The following SLC25A21 variants were observed in gnomAD, a reference collection of about 807,000 sequenced individuals.
SLC25A21 encodes the protein mitochondrial 2-oxodicarboxylate carrier.
A neutral mutation model predicts 43.8 loss-of-function variants in SLC25A21; 47 were observed. The observed-to-expected ratio is 1.07, with a 90% CI of 0.85 to 1.37. The LOEUF (loss-of-function observed/expected upper bound fraction) is 1.37. Ranked by LOEUF, SLC25A21 falls within the 40% of genes most tolerant of loss-of-function variation. SLC25A21 has a pLI of 0.00. For synonymous variants in SLC25A21, 131 were observed against 121.3 expected (o/e 1.08, Z -0.52); for missense variants, 352 against 350.2 (o/e 1.00, Z -0.04).
Position 36,679,483 on chromosome 14 carries a change from T to C in SLC25A21, c.*1175A>G. The C allele has an allele frequency of 2.0e-6, 2 of 985,434 alleles. No homozygotes were observed. Among genetic ancestry groups the C allele is most frequent in the Non-Finnish European group, 2.4e-6 (2 of 829,912 alleles). The allele number at this position is 985,434 out of a possible 1,614,324, so 61.0% of individuals were successfully genotyped here. ...TGGACTTTCAGTTATTCTTGTTGAC[T>C]TTACTGAATCAGCATCATCTCTGGA... On this transcript the variant is annotated 3_prime_UTR_variant, in exon 10 of 10. Coordinates refer to ENST00000331299, the MANE Select transcript of SLC25A21 (RefSeq NM_030631.4).
intron 2 of SLC25A21, among the ~76,000 whole-genome samples, chr14:36,823,030 A>G (rs999594275): frequency 6.6e-6 from 1 of 152,208 alleles, no homozygotes; most frequent in African/African-American, 2.4e-5. Context: ...TTTAGAATCT[A>G]TGTAAAATTT....
chr14:37,090,860 T>C (rs1962571375), intron 1 of SLC25A21, among the ~76,000 whole-genome samples: 1 of 152,208 alleles, frequency 6.6e-6, no homozygotes, highest in Non-Finnish European at 1.5e-5. Flanking sequence ...ACTAGTTATG[T>C]CCAATAAAGT....
rs945095606 is a variant in SLC25A21 at position 36,743,501 on chromosome 14, C to A, written c.204-8928G>T. On this transcript the variant is annotated intron_variant, in intron 3 of 9. Transcript: ENST00000331299. Reference sequence around the variant, plus strand: ...CAGGAAAGACAACCCAATCATGGAGCAAAAAAAGTCCTTCACCAGAATATA... The same window carrying A: ...CAGGAAAGACAACCCAATCATGGAGAAAAAAAAGTCCTTCACCAGAATATA... Among the ~76,000 whole-genome samples, 4 of 151,742 alleles carry A rather than the reference C, an allele frequency of 2.6e-5. No individual in the cohort carries two copies. In the East Asian group the frequency reaches 5.8e-4, roughly 22 times the overall value.
intron 3 of SLC25A21, among the ~76,000 whole-genome samples, chr14:36,742,506 G>A (rs1885313844): frequency 6.6e-6 from 1 of 152,116 alleles, no homozygotes; most frequent in South Asian, 2.1e-4. Context: ...GGGGTTTCAT[G>A]GCTCTGTGAT....
intron 1 of SLC25A21, among the ~76,000 whole-genome samples, chr14:37,003,521 T>G (rs903856086): frequency 6.6e-5 from 10 of 152,276 alleles, no homozygotes; most frequent in African/African-American, 2.4e-4. Context: ...AAACTGAAAC[T>G]ACCCAAATGC....
At chr14:37,032,807 A>G (rs1360332036) in intron 1 of SLC25A21, among the ~76,000 whole-genome samples, 3 of 152,184 alleles carry the variant, frequency 2.0e-5, no homozygotes, top group Non-Finnish European at 4.4e-5. Flanking sequence ...AGGAAAATTT[A>G]GCATTTTTCC....
At chr14:36,741,028 T>G (rs1355264436) in intron 3 of SLC25A21, among the ~76,000 whole-genome samples, 1 of 152,160 alleles carries the variant, frequency 6.6e-6, no homozygotes, top group Non-Finnish European at 1.5e-5. Flanking sequence ...AGGGGAAGGC[T>G]TAACATTCTG....
intron 3 of SLC25A21, 116 bp from the exon 4 acceptor site, chr14:36,734,689 G>C: frequency 1.4e-6 from 1 of 710,904 alleles, no homozygotes; most frequent in South Asian, 1.9e-5. Context: ...CACCAATCAT[G>C]AAGTCTTCCT....
At chr14:36,996,298 TG>T in intron 1 of SLC25A21, among the ~76,000 whole-genome samples, 1 of 152,302 alleles carries the variant, frequency 6.6e-6, no homozygotes, top group African/African-American at 2.4e-5. Flanking sequence ...ATCTAAGTCA[TG>T]TCTGCCAGCC....
In SLC25A21 at chr14:36,680,612, T is replaced by C. The variant is rs768273124; in HGVS notation, c.*46A>G. 7 of 1,607,008 alleles carry C rather than the reference T, an allele frequency of 4.4e-6. No individual in the cohort carries two copies. Among genetic ancestry groups the C allele is most frequent in the East Asian group, 2.2e-5 (1 of 44,658 alleles). On this transcript the variant is annotated 3_prime_UTR_variant, in exon 10 of 10. Coordinates refer to ENST00000331299, the MANE Select transcript of SLC25A21 (RefSeq NM_030631.4). ...AGTCTCTCTTCTTCATGGTGCTGCA[T>C]AGCAAATATCCATTATCTCAAGGGG... is the stretch of plus-strand genomic sequence containing the variant.
intron 3 of SLC25A21, among the ~76,000 whole-genome samples, chr14:36,770,455 C>T (rs1886577330): frequency 6.6e-6 from 1 of 152,180 alleles, no homozygotes; most frequent in African/African-American, 2.4e-5. Flanking sequence ...ATGTGTACTA[C>T]AAACCTCAGT....
chr14:36,937,344 G>A (rs1451835782), intron 1 of SLC25A21, among the ~76,000 whole-genome samples: 2 of 152,180 alleles, frequency 1.3e-5, no homozygotes, highest in African/African-American at 4.8e-5. Context: ...ACTGAATTAG[G>A]AATGCCTTCA....
At chr14:36,949,976 A>G (rs1270735043) in intron 1 of SLC25A21, among the ~76,000 whole-genome samples, 1 of 152,204 alleles carries the variant, frequency 6.6e-6, no homozygotes, top group African/African-American at 2.4e-5. Flanking sequence ...TCCAAAGTAC[A>G]TATCAGAGAC....
At position 37,040,336 on chromosome 14, in the gene SLC25A21, G is replaced by A. The variant is rs1423374497; in HGVS notation, c.70+131945C>T. On this transcript the variant is annotated intron_variant, in intron 1 of 9. Transcript: ENST00000331299. Reference sequence around the variant, plus strand: ...AGGAAGAAAGGAAGAGGGGAAGGAAGGAAGGAAGGAAGGAAGGAAAGAAAG... The same window carrying A: ...AGGAAGAAAGGAAGAGGGGAAGGAAAGAAGGAAGGAAGGAAGGAAAGAAAG... Among the ~76,000 whole-genome samples, 44 of 36,360 alleles carry A rather than the reference G, an allele frequency of 1.2e-3. 11 individuals are homozygous for A. Among genetic ancestry groups the A allele is most frequent in the African/African-American group, 7.0e-3 (14 of 1,994 alleles). 23.9% of individuals were successfully genotyped at this position (36,360 alleles called of 152,430 possible). A position where few individuals can be genotyped will look rare whatever the true frequency, so the allele number is the denominator to read the frequency against.
intron 1 of SLC25A21, among the ~76,000 whole-genome samples, chr14:36,982,683 C>T (rs958705188): frequency 2.6e-5 from 4 of 152,016 alleles, no homozygotes; most frequent in Non-Finnish European, 1.5e-5. Context: ...GGCATGGTGG[C>T]ACACACCTGT....
intron 1 of SLC25A21, among the ~76,000 whole-genome samples, chr14:36,992,843 TC>T (rs1194456569): frequency 2.0e-5 from 3 of 152,200 alleles, no homozygotes; most frequent in Non-Finnish European, 4.4e-5. Flanking sequence ...TCTTTTTGTT[TC>T]CTTTGCCCAG....
At chr14:36,704,745 G>A (rs770675812) in intron 7 of SLC25A21, among the ~76,000 whole-genome samples, 4 of 151,874 alleles carry the variant, frequency 2.6e-5, no homozygotes, top group Admixed American at 2.6e-4. Flanking sequence ...TGATACAGTC[G>A]AAAGAGTTCC....
At chr14:37,127,671 G>A (rs1191218158) in intron 1 of SLC25A21, among the ~76,000 whole-genome samples, 3 of 152,160 alleles carry the variant, frequency 2.0e-5, no homozygotes, top group Non-Finnish European at 4.4e-5. Context: ...CAGGTTTCAA[G>A]AGCACAAAGA....
intron 1 of SLC25A21, among the ~76,000 whole-genome samples, chr14:36,880,302 A>G (rs1890676898): frequency 6.6e-6 from 1 of 152,202 alleles, no homozygotes; most frequent in Admixed American, 6.5e-5. Flanking sequence ...CACACAGCAC[A>G]GCAACAAGAC....
Sources: allele counts gnomAD v4.1 joint callset (sites outside exome capture counted in the v4.1 genomes callset), GRCh38; gene constraint gnomAD v4.1.1; transcripts MANE v1.5; gene names NCBI Gene and HGNC (gene_info 2026-07-23, HGNC 2026-07-21).